Variants in PRCP observed in about 807,000 individuals in gnomAD.
The protein encoded by PRCP is lysosomal Pro-X carboxypeptidase.
In PRCP, 46 loss-of-function variants were observed where a neutral mutation model predicts 54.2. The ratio of observed to expected loss-of-function variants is 0.85; its 90% CI spans 0.67 to 1.09. PRCP has a LOEUF of 1.09. Among genes scored for constraint, PRCP ranks in the 50% least tolerant of loss-of-function variants. The pLI is 0.00. For missense variants in PRCP, 613 were observed against 596.8 expected (o/e 1.03, Z -0.28); for synonymous variants, 240 against 212.2 (o/e 1.13, Z -1.14).
chr11:82,839,497 G>A (rs1858609334), intron 6 of PRCP, 72 bp from the exon 7 acceptor site: 1 of 1,434,372 alleles, frequency 7.0e-7, no homozygotes, highest in Non-Finnish European at 9.6e-7. Flanking sequence ...ATAACACAAA[G>A]AAGAAATATG....
At chr11:82,877,803 A>G (rs561456684) in intron 1 of PRCP, among the ~76,000 whole-genome samples, 107 of 152,314 alleles carry the variant, frequency 7.0e-4, no homozygotes, top group Middle Eastern at 3.4e-3. Flanking sequence ...GCCCCCACAC[A>G]GAGTCTCTAC....
At chr11:82,827,826 G>T (rs1391871190) in intron 8 of PRCP, 1 of 152,112 alleles carries the variant, frequency 6.6e-6, no homozygotes, top group Non-Finnish European at 1.5e-5. Context: ...ATTTGACAGA[G>T]ATCACGTTGA....
chr11:82,836,053 C>T (rs892840172), intron 8 of PRCP, among the ~76,000 whole-genome samples: 1 of 151,820 alleles, frequency 6.6e-6, no homozygotes, highest in East Asian at 1.9e-4. Context: ...ATTAGCTGGG[C>T]GTGGTGGTGG....
intron 1 of PRCP, chr11:82,900,020 C>T: frequency 1.7e-6 from 1 of 591,516 alleles, no homozygotes; most frequent in Non-Finnish European, 2.9e-6. Context: ...CAAGAGTATG[C>T]AGCCAAAACT....
intron 6 of PRCP, chr11:82,846,175 A>G (rs1217344005): frequency 6.6e-6 from 1 of 152,158 alleles, no homozygotes; most frequent in Admixed American, 6.5e-5. Flanking sequence ...AAAAGGAGGA[A>G]GTGTATCAGA....
At chr11:82,884,826 A>C (rs564660189) in intron 1 of PRCP, 20 of 1,613,212 alleles carry the variant, frequency 1.2e-5, no homozygotes, top group Non-Finnish European at 1.4e-5. Context: ...CACCTACCAG[A>C]GGAGTCTTGT....
At chr11:82,839,461 G>C (rs547949521) in intron 6 of PRCP, 36 bp from the exon 7 acceptor site, 7 of 1,549,544 alleles carry the variant, frequency 4.5e-6, no homozygotes, top group Non-Finnish European at 2.7e-6. Context: ...GAAAGAGTCA[G>C]AATATGAATA....
intron 1 of PRCP, among the ~76,000 whole-genome samples, chr11:82,868,307 G>A (rs1565229418): frequency 6.6e-6 from 1 of 152,000 alleles, no homozygotes; most frequent in Non-Finnish European, 1.5e-5. Flanking sequence ...AAATTATATT[G>A]CACTAAATCA....
At chr11:82,853,046 C>A in intron 3 of PRCP, 131 bp downstream of exon 3, 1 of 569,794 alleles carries the variant, frequency 1.8e-6, no homozygotes, top group Non-Finnish European at 2.9e-6. Context: ...TAAAAAGAAA[C>A]TATTAAATAT....
chr11:82,847,192 C>T (rs1278617769), intron 6 of PRCP, among the ~76,000 whole-genome samples: 2 of 152,204 alleles, frequency 1.3e-5, no homozygotes, highest in African/African-American at 4.8e-5. Flanking sequence ...ATTCATTCTT[C>T]AAGTGAGAAT....
At chr11:82,826,494 C>G (rs1470111459) in intron 8 of PRCP, 2 of 152,180 alleles carry the variant, frequency 1.3e-5, no homozygotes, top group Non-Finnish European at 1.5e-5. Context: ...TTAGGAATTT[C>G]TAGGATATAT....
intron 2 of PRCP, among the ~76,000 whole-genome samples, chr11:82,856,528 T>C (rs1036362956): frequency 6.6e-6 from 1 of 152,100 alleles, no homozygotes; most frequent in Non-Finnish European, 1.5e-5. Flanking sequence ...GAGGGGCTAA[T>C]AGTGCAGGGA....
At chr11:82,839,657 G>C (rs1437082209) in intron 6 of PRCP, 5 of 497,050 alleles carry the variant, frequency 1.0e-5, no homozygotes, top group Non-Finnish European at 1.7e-5. Context: ...GGTATGCAAA[G>C]TCCTCTCCAT....
chr11:82,873,797 A>AT (rs898693020), intron 1 of PRCP, among the ~76,000 whole-genome samples: 4 of 152,234 alleles, frequency 2.6e-5, no homozygotes, highest in Admixed American at 2.6e-4. Flanking sequence ...TTTAAAATAA[A>AT]TTTTTTTATC....
intron 8 of PRCP, among the ~76,000 whole-genome samples, chr11:82,832,588 T>C (rs1015515249): frequency 6.6e-6 from 1 of 152,272 alleles, no homozygotes; most frequent in Admixed American, 6.5e-5. Context: ...AAGTTCCTTG[T>C]AGATTCTAGA....
intron 5 of PRCP, 125 bp downstream of exon 5, chr11:82,849,789 T>C: frequency 1.1e-6 from 1 of 876,772 alleles, no homozygotes; most frequent in Non-Finnish European, 1.6e-6. Context: ...TGATTTTGAT[T>C]TGTATAATTT....
chr11:82,836,752 T>G (rs1419182915), intron 8 of PRCP: 6 of 225,036 alleles, frequency 2.7e-5, no homozygotes, highest in Non-Finnish European at 5.4e-5. Context: ...TTCACCATGT[T>G]TCCCAGAATG....
chr11:82,874,657 C>A (rs1458066303), intron 1 of PRCP, among the ~76,000 whole-genome samples: 1 of 146,260 alleles, frequency 6.8e-6, no homozygotes, highest in Non-Finnish European at 1.5e-5. Context: ...CACCACTGGA[C>A]TCCAGCCTGG....
intron 1 of PRCP, among the ~76,000 whole-genome samples, chr11:82,864,874 AT>A (rs1371559661): frequency 6.6e-6 from 1 of 152,160 alleles, no homozygotes; most frequent in Non-Finnish European, 1.5e-5. Context: ...AAAAGTAATT[AT>A]TTGGACTTTA....
Sources: allele counts gnomAD v4.1 joint callset (sites outside exome capture counted in the v4.1 genomes callset), GRCh38; gene constraint gnomAD v4.1.1; transcripts MANE v1.5; gene names NCBI Gene and HGNC (gene_info 2026-07-23, HGNC 2026-07-21).